The following NLGN1 variants were observed in gnomAD, a reference collection of about 807,000 sequenced individuals.
NLGN1 encodes neuroligin-1.
A neutral mutation model predicts 65.5 loss-of-function variants in NLGN1; 12 were observed. The observed-to-expected ratio is 0.18, with a 90% CI of 0.12 to 0.30. The LOEUF (loss-of-function observed/expected upper bound fraction) is 0.30. Among genes scored for constraint, NLGN1 ranks in the 10% least tolerant of loss-of-function variants. The probability of loss-of-function intolerance (pLI) is 1.00; values close to 1 mark genes in which losing one functional copy is unlikely to be tolerated. For synonymous variants in NLGN1, 350 were observed against 359.5 expected (o/e 0.97, Z 0.30); for missense variants, 750 against 1,007.1 (o/e 0.74, Z 3.46).
chr3:174,173,550 G>A (rs1291756273), intron 4 of NLGN1, among the ~76,000 whole-genome samples: 1 of 151,912 alleles, frequency 6.6e-6, no homozygotes, highest in East Asian at 1.9e-4. Context: ...TTTATGAAAT[G>A]CTTTTTCAGC....
intron 1 of NLGN1, among the ~76,000 whole-genome samples, chr3:173,401,942 A>G (rs984927656): frequency 6.6e-6 from 1 of 152,184 alleles, no homozygotes; most frequent in African/African-American, 2.4e-5. Context: ...CAGAATGGAA[A>G]CATATAGCGC....
At chr3:174,037,016 G>A (rs578152019) in intron 4 of NLGN1, among the ~76,000 whole-genome samples, 5 of 152,066 alleles carry the variant, frequency 3.3e-5, no homozygotes, top group Non-Finnish European at 5.9e-5. Context: ...TGGACATTAG[G>A]TTAATTCCAT....
At chr3:173,834,878 A>G (rs1723296998) in intron 4 of NLGN1, among the ~76,000 whole-genome samples, 1 of 152,198 alleles carries the variant, frequency 6.6e-6, no homozygotes. Context: ...AACAGGGGAT[A>G]TAACAGAGGA....
At chr3:173,817,961 T>C (rs1225498741) in intron 4 of NLGN1, among the ~76,000 whole-genome samples, 1 of 152,238 alleles carries the variant, frequency 6.6e-6, no homozygotes, top group Non-Finnish European at 1.5e-5. Context: ...CCCTCATTGC[T>C]AGTTAAAGCA....
intron 2 of NLGN1, among the ~76,000 whole-genome samples, chr3:173,576,464 T>C (rs1745518654): frequency 2.6e-5 from 4 of 152,074 alleles, no homozygotes; most frequent in Admixed American, 6.5e-5. Flanking sequence ...CTAGAAAAAA[T>C]TCCGTTTTCT....
chr3:173,667,873 C>T (rs373156749), intron 3 of NLGN1, among the ~76,000 whole-genome samples: 10 of 152,084 alleles, frequency 6.6e-5, no homozygotes, highest in Non-Finnish European at 1.0e-4. Flanking sequence ...CCTCATGATC[C>T]GCTTGTCTTG....
At chr3:173,807,826 G>A (rs1560412948) in exon 4 of NLGN1, 2 of 1,613,132 alleles carry the variant, frequency 1.2e-6, no homozygotes, top group Middle Eastern at 1.7e-4. Context: ...TCGACTTGGA[G>A]TACTCGGTAA....
intron 4 of NLGN1, among the ~76,000 whole-genome samples, chr3:174,134,289 C>A (rs1720793201): frequency 6.6e-6 from 1 of 152,072 alleles, no homozygotes; most frequent in Admixed American, 6.6e-5. Flanking sequence ...AGGTTAAAAA[C>A]CAACAGCGCT....
At chr3:173,984,731 T>G (rs1719519950) in intron 4 of NLGN1, among the ~76,000 whole-genome samples, 1 of 152,174 alleles carries the variant, frequency 6.6e-6, no homozygotes, top group Non-Finnish European at 1.5e-5. Context: ...TGCTATCTTG[T>G]GGTTCTGAGG....
chr3:173,821,663 A>G (rs180801006), intron 4 of NLGN1, among the ~76,000 whole-genome samples: 1 of 152,088 alleles, frequency 6.6e-6, no homozygotes, highest in Admixed American at 6.6e-5. Flanking sequence ...TCTACAATTC[A>G]TATTTGGATT....
intron 3 of NLGN1, among the ~76,000 whole-genome samples, chr3:173,799,796 T>A (rs1041914191): frequency 2.6e-5 from 4 of 151,876 alleles, no homozygotes; most frequent in African/African-American, 7.2e-5. Flanking sequence ...CAAATGTTAA[T>A]GTTCTTAAAA....
intron 4 of NLGN1, among the ~76,000 whole-genome samples, chr3:174,222,909 T>C (rs143303276): frequency 6.6e-6 from 1 of 152,310 alleles, no homozygotes; most frequent in African/African-American, 2.4e-5. Flanking sequence ...AACTTTTTTC[T>C]TTCTACTTCT....
intron 4 of NLGN1, among the ~76,000 whole-genome samples, chr3:174,131,658 A>G (rs1720218826): frequency 6.6e-6 from 1 of 152,240 alleles, no homozygotes; most frequent in Admixed American, 6.5e-5. Context: ...TAAGTAAACT[A>G]TAATCTATTC....
chr3:173,957,943 G>A (rs1393897185), intron 4 of NLGN1, among the ~76,000 whole-genome samples: 1 of 152,192 alleles, frequency 6.6e-6, no homozygotes, highest in Non-Finnish European at 1.5e-5. Context: ...GAGTGAGTGA[G>A]TGTTGGGTCC....
At position 173,714,116 on chromosome 3, in the gene NLGN1, T is replaced by C. The variant is rs554932370; in HGVS notation, c.494-93564T>C. 3.3e-5 allele frequency among the ~76,000 whole-genome samples: 5 copies of C among 152,304 alleles called. No homozygotes were observed. In the South Asian group the frequency reaches 1.0e-3, roughly 32 times the overall value. On this transcript the variant is annotated intron_variant, in intron 3 of 6. Transcript: ENST00000457714. ...TATAACATTAAATTGGTTGTCATGA[T>C]GGTATATAACAGCGTCTTTTGAAAA...
At chr3:174,135,416 G>A (rs1324411035) in intron 4 of NLGN1, among the ~76,000 whole-genome samples, 1 of 152,126 alleles carries the variant, frequency 6.6e-6, no homozygotes, top group Non-Finnish European at 1.5e-5. Flanking sequence ...TGCTCGAAAG[G>A]GAGCAGTAGT....
intron 1 of NLGN1, among the ~76,000 whole-genome samples, chr3:173,431,064 C>T (rs1165132578): frequency 6.6e-6 from 1 of 152,176 alleles, no homozygotes; most frequent in Non-Finnish European, 1.5e-5. Context: ...TATACTCATT[C>T]TATTTTCATT....
chr3:174,066,680 A>T (rs895315491), intron 4 of NLGN1, among the ~76,000 whole-genome samples: 7 of 151,918 alleles, frequency 4.6e-5, no homozygotes, highest in Non-Finnish European at 1.0e-4. Context: ...GTATTACATG[A>T]TCTAAAGGTA....
intron 4 of NLGN1, among the ~76,000 whole-genome samples, chr3:173,862,323 G>A (rs1729272692): frequency 6.6e-6 from 1 of 150,794 alleles, no homozygotes; most frequent in Non-Finnish European, 1.5e-5. Flanking sequence ...CGGCTAAAAC[G>A]GTGAAACCCC....
Sources: gnomAD v4.1 joint callset for allele counts (sites outside exome capture counted in the v4.1 genomes callset) on GRCh38, gnomAD v4.1.1 for gene constraint, MANE v1.5 for transcripts, NCBI Gene and HGNC (gene_info 2026-07-23, HGNC 2026-07-21) for gene names.